Variants in CRYBA4 observed in about 807,000 individuals in gnomAD.
CRYBA4 encodes beta-crystallin A4.
CRYBA4 carries 30 observed loss-of-function variants against 31.7 expected under a neutral mutation model. That is an observed-to-expected ratio of 0.95 (90% confidence interval 0.71 to 1.28). The LOEUF (loss-of-function observed/expected upper bound fraction) is 1.28, where lower values mean the gene tolerates loss of function less well. Among genes scored for constraint, CRYBA4 ranks in the 50% most tolerant of loss-of-function variants. CRYBA4 has a pLI of 0.00. For missense variants in CRYBA4, 225 were observed against 260.7 expected, an observed-to-expected ratio of 0.86 and a Z score of 0.94; for synonymous variants, 102 against 102.3, an observed-to-expected ratio of 1.00 and a Z score of 0.02.
At chr22:26,606,549 C>T in the CRYBA4 span, among the ~76,000 whole-genome samples, 3 of 152,318 alleles carry the variant, frequency 2.0e-5, no homozygotes, top group Admixed American at 1.3e-4. Flanking sequence ...AAACAAACCC[C>T]TTAACATAGG....
upstream of CRYBA4, among the ~76,000 whole-genome samples, chr22:26,620,928 C>T (rs930687798): frequency 6.6e-6 from 1 of 152,264 alleles, no homozygotes; most frequent in South Asian, 2.1e-4. Flanking sequence ...GGCCACTTTA[C>T]AGGTCATGAG....
rs1929898960 is a variant in CRYBA4, at chr22:26,630,555, G to T, written c.*68G>T. On this transcript the variant is annotated 3_prime_UTR_variant, in exon 6 of 6. Coordinates refer to ENST00000354760, the MANE Select transcript of CRYBA4 (RefSeq NM_001886.3). ...ATGGAGGCGCTCTGGAGGCTGTGGT[G>T]TGTTCTCTCCTTCTGCCTCCCCCTG... 2.9e-6 allele frequency: 4 copies of T among 1,402,920 alleles called. No individual in the cohort carries two copies. The highest frequency in any genetic ancestry group is 3.9e-6 in the Non-Finnish European group (4 of 1,013,292). The allele number at this position is 1,402,920 out of a possible 1,614,324, so 86.9% of individuals were successfully genotyped here. A position where few individuals can be genotyped will look rare whatever the true frequency, so the allele number is the denominator to read the frequency against.
At chr22:26,624,607 G>A (rs557582682) in intron 3 of CRYBA4, among the ~76,000 whole-genome samples, 138 of 152,320 alleles carry the variant, frequency 9.1e-4, no homozygotes, top group African/African-American at 3.1e-3. Flanking sequence ...TGCAGGTGGG[G>A]AATGGGGGTC....
chr22:26,627,257 C>T (rs1929727379), intron 4 of CRYBA4, among the ~76,000 whole-genome samples: 1 of 151,540 alleles, frequency 6.6e-6, no homozygotes, highest in Admixed American at 6.6e-5. Flanking sequence ...GCAGCTGCCT[C>T]CTAGCAGGAA....
intron 2 of CRYBA4, 73 bp downstream of exon 2, chr22:26,622,708 G>T (rs1353105627): frequency 1.2e-5 from 14 of 1,157,584 alleles, no homozygotes; most frequent in African/African-American, 3.0e-5. Flanking sequence ...TCCTAGGAGG[G>T]GGGCATTATA....
the CRYBA4 span, among the ~76,000 whole-genome samples, chr22:26,600,388 C>T: frequency 2.0e-5 from 3 of 151,038 alleles, no homozygotes; most frequent in Admixed American, 6.6e-5. Flanking sequence ...AGGGACAGAG[C>T]GAGACTCCAT....
the CRYBA4 span, among the ~76,000 whole-genome samples, chr22:26,616,784 G>A: frequency 1.3e-5 from 2 of 152,194 alleles, no homozygotes; most frequent in African/African-American, 2.4e-5. Flanking sequence ...ACCCGATGGA[G>A]TAGCTGCTAT....
At chr22:26,602,844 C>T in the CRYBA4 span, among the ~76,000 whole-genome samples, 1 of 152,082 alleles carries the variant, frequency 6.6e-6, no homozygotes, top group African/African-American at 2.4e-5. Flanking sequence ...TGCCTCTAGG[C>T]CGGGTGCGAT....
At chr22:26,612,012 A>G in the CRYBA4 span, 4 of 1,217,958 alleles carry the variant, frequency 3.3e-6, no homozygotes, top group South Asian at 4.8e-5. Context: ...AATGGCAGCT[A>G]CTGTTGTGTG....
chr22:26,610,009 A>G, the CRYBA4 span, among the ~76,000 whole-genome samples: 7 of 151,776 alleles, frequency 4.6e-5, no homozygotes, highest in Admixed American at 6.6e-5. Context: ...CTGGAGGTCT[A>G]GGCTTCTGGA....
chr22:26,602,401 T>C, the CRYBA4 span, among the ~76,000 whole-genome samples: 43 of 151,942 alleles, frequency 2.8e-4, 2 homozygotes, highest in Admixed American at 2.7e-3. Context: ...CTGGGCAACA[T>C]AGCAAGATCC....
the CRYBA4 span, among the ~76,000 whole-genome samples, chr22:26,607,019 C>CTTT: frequency 4.9e-4 from 55 of 111,956 alleles, no homozygotes; most frequent in Non-Finnish European, 6.6e-4. Flanking sequence ...TATCCCTCTC[C>CTTT]TTTTTTTTTT....
intron 3 of CRYBA4, among the ~76,000 whole-genome samples, chr22:26,625,091 T>C (rs951979408): frequency 6.6e-6 from 1 of 152,222 alleles, no homozygotes; most frequent in Admixed American, 6.5e-5. Context: ...CCTTGGCCTC[T>C]GTGGACACGG....
the CRYBA4 span, among the ~76,000 whole-genome samples, chr22:26,603,630 C>T: frequency 1.3e-5 from 2 of 151,866 alleles, no homozygotes; most frequent in Non-Finnish European, 2.9e-5. Flanking sequence ...CCTGGCCGGG[C>T]GCGGTGGCTC....
In CRYBA4 at chr22:26,622,610, G is replaced by A; in HGVS notation, c.14G>A (p.Cys5Tyr). Residue 5 changes from cysteine to tyrosine, a missense_variant, in exon 2 of 6, where the codon TGC becomes TAC. Cys to Tyr is a radical substitution (Grantham distance 194). Coordinates refer to ENST00000354760, the MANE Select transcript of CRYBA4 (RefSeq NM_001886.3). MTLQ[C>Y]TKSAGPWKMV... is the part of the protein sequence containing the mutation. ...GAAGGGGCCACAATGACCCTGCAAT[G>A]CACAAAGTCAGCGGGACCCTGGAAG... The A allele has an allele frequency of 1.3e-6, 2 of 1,596,352 alleles. No homozygotes were observed. Among genetic ancestry groups the A allele is most frequent in the Non-Finnish European group, 1.7e-6 (2 of 1,171,100 alleles).
chr22:26,606,176 A>G, the CRYBA4 span, among the ~76,000 whole-genome samples: 1 of 152,212 alleles, frequency 6.6e-6, no homozygotes, highest in Non-Finnish European at 1.5e-5. Context: ...CGGACTACTT[A>G]GAGGGCATAG....
At chr22:26,608,808 G>A in the CRYBA4 span, among the ~76,000 whole-genome samples, 41 of 152,190 alleles carry the variant, frequency 2.7e-4, no homozygotes, top group South Asian at 1.3e-3. Flanking sequence ...ACTAGTATGA[G>A]GCAATGGGAA....
At chr22:26,623,860 G>A (rs941457710) in intron 3 of CRYBA4, among the ~76,000 whole-genome samples, 10 of 152,088 alleles carry the variant, frequency 6.6e-5, no homozygotes, top group African/African-American at 2.4e-5. Context: ...AACACACCAA[G>A]ACTTTCTAGA....
chr22:26,623,908 A>G (rs939230662), intron 3 of CRYBA4, among the ~76,000 whole-genome samples: 1 of 152,200 alleles, frequency 6.6e-6, no homozygotes, highest in Admixed American at 6.5e-5. Context: ...AATGATGGAG[A>G]TGTTCTACAT....
Sources: gnomAD v4.1 joint callset for allele counts (sites outside exome capture counted in the v4.1 genomes callset) on GRCh38, gnomAD v4.1.1 for gene constraint, MANE v1.5 for transcripts, NCBI Gene and HGNC (gene_info 2026-07-23, HGNC 2026-07-21) for gene names.